GPC6: variants seen among roughly 807,000 people sequenced by gnomAD.
GPC6 encodes glypican-6.
GPC6 carries 14 observed loss-of-function variants against 55.2 expected under a neutral mutation model. That is an observed-to-expected ratio of 0.25 (90% CI 0.17 to 0.40). The LOEUF is 0.40. Among genes scored for constraint, GPC6 ranks in the 10% least tolerant of loss-of-function variants. The pLI is 1.00. For synonymous variants in GPC6, 278 were observed against 259.6 expected (o/e 1.07, Z -0.68); for missense variants, 641 against 708.5 (o/e 0.90, Z 1.08).
chr13:93,415,243 C>T lies in GPC6; in HGVS notation c.161-130020C>T, dbSNP rs149139184. Among the ~76,000 whole-genome samples, 9 of 152,184 alleles carry T rather than the reference C, an allele frequency of 5.9e-5. No homozygotes were observed. The East Asian group carries it at 1.7e-3, about 29-fold the overall frequency. On this transcript the variant is annotated intron_variant, in intron 1 of 8. Transcript: ENST00000377047. ...TGCGGAAGCTGATAAAATTAAAGCACTAAGTTCAGTTCCTGGAACATAGGA... is the reference window on the plus strand; with the variant it reads ...TGCGGAAGCTGATAAAATTAAAGCATTAAGTTCAGTTCCTGGAACATAGGA...
chr13:94,242,140 T>C (rs1041514722), intron 4 of GPC6, among the ~76,000 whole-genome samples: 1 of 151,004 alleles, frequency 6.6e-6, no homozygotes, highest in Non-Finnish European at 1.5e-5. Flanking sequence ...CATTATTCAA[T>C]CCCCACCTAT....
chr13:93,982,033 G>T (rs1367725634), intron 3 of GPC6, among the ~76,000 whole-genome samples: 1 of 151,944 alleles, frequency 6.6e-6, no homozygotes, highest in Non-Finnish European at 1.5e-5. Context: ...AGAATTCCCA[G>T]AATAAAATTC....
chr13:94,176,998 T>C (rs1888799552), intron 4 of GPC6, among the ~76,000 whole-genome samples: 1 of 152,214 alleles, frequency 6.6e-6, no homozygotes, highest in Admixed American at 6.5e-5. Context: ...AAAACTATTT[T>C]TAAAAGACAG....
intron 1 of GPC6, among the ~76,000 whole-genome samples, chr13:93,477,742 A>C (rs994474125): frequency 9.9e-5 from 15 of 152,176 alleles, no homozygotes; most frequent in African/African-American, 3.1e-4. Flanking sequence ...AAATCAGTAA[A>C]ATCTGGCTAC....
At chr13:93,286,673 G>T (rs908050220) in intron 1 of GPC6, among the ~76,000 whole-genome samples, 13 of 152,174 alleles carry the variant, frequency 8.5e-5, no homozygotes, top group Admixed American at 5.9e-4. Flanking sequence ...CTCCTTGTAG[G>T]GAAGGGGTGG....
intron 1 of GPC6, among the ~76,000 whole-genome samples, chr13:93,521,636 C>T (rs551195253): frequency 5.3e-5 from 8 of 152,042 alleles, no homozygotes; most frequent in Non-Finnish European, 1.0e-4. Context: ...CATGACTGCT[C>T]TTGAAAAATG....
chr13:94,126,743 G>C (rs1452967145), intron 4 of GPC6, among the ~76,000 whole-genome samples: 2 of 152,064 alleles, frequency 1.3e-5, no homozygotes, highest in Non-Finnish European at 2.9e-5. Flanking sequence ...TTTTGGACCT[G>C]TACACTTTTT....
intron 1 of GPC6, among the ~76,000 whole-genome samples, chr13:93,537,519 C>A (rs1882108170): frequency 6.6e-6 from 1 of 151,182 alleles, no homozygotes; most frequent in Admixed American, 6.6e-5. Context: ...AAACCTATTT[C>A]CTCTTATCTA....
At chr13:94,076,356 T>C (rs186632578) in intron 4 of GPC6, among the ~76,000 whole-genome samples, 1 of 152,092 alleles carries the variant, frequency 6.6e-6, no homozygotes, top group African/African-American at 2.4e-5. Context: ...TTATATACAT[T>C]GGATATTATC....
intron 4 of GPC6, among the ~76,000 whole-genome samples, chr13:94,101,826 G>GAGTCA (rs1285319885): frequency 6.7e-6 from 1 of 150,168 alleles, no homozygotes; most frequent in Non-Finnish European, 1.5e-5. Flanking sequence ...CATGAGTCAT[G>GAGTCA]TGCTCATATT....
At chr13:93,470,875 T>C (rs755695056) in intron 1 of GPC6, among the ~76,000 whole-genome samples, 28 of 152,136 alleles carry the variant, frequency 1.8e-4, no homozygotes, top group Non-Finnish European at 3.4e-4. Context: ...AATTTGCAGA[T>C]TTAGAGGAAT....
At position 93,845,977 on chromosome 13, in the gene GPC6, G is replaced by A. The variant is rs560331334; in HGVS notation, c.711+15432G>A. 2.0e-5 allele frequency among the ~76,000 whole-genome samples: 3 copies of A among 151,620 alleles called. No individual in the cohort carries two copies. The East Asian group carries it at 5.8e-4, about 29-fold the overall frequency. On this transcript the variant is annotated intron_variant, in intron 3 of 8. Transcript: ENST00000377047. ...GTGCACATGTACCCTAAAACTTAAA[G>A]TATAATAAAAAATAAATAAATAAAT...
intron 4 of GPC6, among the ~76,000 whole-genome samples, chr13:94,043,079 T>C (rs778506324): frequency 6.6e-6 from 1 of 151,782 alleles, no homozygotes; most frequent in African/African-American, 2.4e-5. Flanking sequence ...TCTGACATGG[T>C]CCCCATCATT....
chr13:93,684,821 T>A (rs1881989516), intron 2 of GPC6, among the ~76,000 whole-genome samples: 2 of 152,160 alleles, frequency 1.3e-5, no homozygotes, highest in Admixed American at 6.5e-5. Flanking sequence ...ATTATCAATC[T>A]GGAAACATCA....
rs1358780888 is a variant in GPC6 at position 94,403,782 on chromosome 13, AATGCACTGTTGTCTTGGAGGTATCATCT to A, written c.*566_*593del. On this transcript the variant is annotated 3_prime_UTR_variant, in exon 9 of 9. Transcript: ENST00000377047. ...TAAAGTTTGTTCTAAATGTAGTGAA[AATGCACTGTTGTCTTGGAGGTATCATCT>A]TGCACTCTAACCAAACAACACCAAA... The A allele has an allele frequency of 5.5e-6, 1 of 181,698 alleles. No individual in the cohort carries two copies. The highest frequency in any genetic ancestry group is 1.2e-5 in the Non-Finnish European group (1 of 85,448). 11.3% of individuals were successfully genotyped at this position (181,698 alleles called of 1,614,324 possible). A position where few individuals can be genotyped will look rare whatever the true frequency, so the allele number is the denominator to read the frequency against.
chr13:93,488,504 C>CAAATGGT (rs1257121557), intron 1 of GPC6, among the ~76,000 whole-genome samples: 1 of 152,180 alleles, frequency 6.6e-6, no homozygotes, highest in Non-Finnish European at 1.5e-5. Context: ...ATGGCTAGGT[C>CAAATGGT]AAATGGTATT....
chr13:93,632,113 A>G (rs894561175), intron 2 of GPC6, among the ~76,000 whole-genome samples: 37 of 152,218 alleles, frequency 2.4e-4, no homozygotes, highest in African/African-American at 8.9e-4. Context: ...TGAGACTAAA[A>G]GAAAGAAGGT....
intron 2 of GPC6, among the ~76,000 whole-genome samples, chr13:93,809,327 G>A (rs1369563232): frequency 6.6e-6 from 1 of 152,192 alleles, no homozygotes; most frequent in Non-Finnish European, 1.5e-5. Flanking sequence ...AATGTGATTA[G>A]TGGGTTAATT....
At chr13:94,311,572 G>C (rs762714207) in intron 6 of GPC6, among the ~76,000 whole-genome samples, 17 of 152,212 alleles carry the variant, frequency 1.1e-4, no homozygotes, top group Non-Finnish European at 2.2e-4. Flanking sequence ...CAGCACACCT[G>C]TGACATCATA....
Sources: gnomAD v4.1 joint callset for allele counts (sites outside exome capture counted in the v4.1 genomes callset) on GRCh38, gnomAD v4.1.1 for gene constraint, MANE v1.5 for transcripts, NCBI Gene and HGNC (gene_info 2026-07-23, HGNC 2026-07-21) for gene names.